SMAP1: variants seen among roughly 807,000 people sequenced by gnomAD.
SMAP1 encodes stromal membrane-associated protein 1.
In SMAP1, 24 loss-of-function variants were observed where a neutral mutation model predicts 58.5. The observed-to-expected ratio is 0.41, with a 90% CI of 0.30 to 0.58. SMAP1 has a LOEUF of 0.58. SMAP1 is among the 20% of genes least tolerant of loss of function. SMAP1 has a pLI of 0.29. For missense variants in SMAP1, 563 were observed against 566.3 expected (o/e 0.99, Z 0.06); for synonymous variants, 216 against 196.6 (o/e 1.10, Z -0.82).
chr6:70,719,018 T>G (rs558365585), intron 1 of SMAP1, among the ~76,000 whole-genome samples: 171 of 152,252 alleles, frequency 1.1e-3, no homozygotes, highest in Admixed American at 2.7e-3. Flanking sequence ...TTATAACATA[T>G]ATAATCAGTG....
chr6:70,843,152 A>G (rs1205620468), intron 7 of SMAP1, among the ~76,000 whole-genome samples: 2 of 137,536 alleles, frequency 1.5e-5, no homozygotes, highest in African/African-American at 5.6e-5. Flanking sequence ...ACCCACACAC[A>G]CTCCCCCCCC....
chr6:70,782,754 T>A (rs182043992), intron 4 of SMAP1, among the ~76,000 whole-genome samples: 94 of 152,302 alleles, frequency 6.2e-4, no homozygotes, highest in African/African-American at 2.2e-3. Context: ...GAGTGAGGGC[T>A]TTATTGTTCT....
At chr6:70,802,676 T>C (rs1768915984) in intron 6 of SMAP1, among the ~76,000 whole-genome samples, 2 of 152,212 alleles carry the variant, frequency 1.3e-5, no homozygotes, top group South Asian at 4.1e-4. Flanking sequence ...TTGAGATATG[T>C]TTCATCAATA....
intron 3 of SMAP1, among the ~76,000 whole-genome samples, chr6:70,761,540 G>T (rs1039613507): frequency 6.6e-6 from 1 of 151,912 alleles, no homozygotes; most frequent in Admixed American, 6.6e-5. Context: ...TTCTTTTGTT[G>T]TCGTTTCTCA....
chr6:70,668,617 T>C, intron 1 of SMAP1: 1 of 1,535,892 alleles, frequency 6.5e-7, no homozygotes, highest in Non-Finnish European at 8.7e-7. Context: ...GCTCGGATTC[T>C]TGGTCTCCTA....
In SMAP1 at chr6:70,667,929, C is replaced by T. The variant is rs1007718142; in HGVS notation, c.-95C>T. The T allele has an allele frequency of 2.8e-6, 3 of 1,061,418 alleles. No individual in the cohort carries two copies. The highest frequency in any genetic ancestry group is 2.8e-5 in the Admixed American group (1 of 35,810). 65.7% of individuals were successfully genotyped at this position (1,061,418 alleles called of 1,614,324 possible). On this transcript the variant is annotated 5_prime_UTR_variant, in exon 1 of 11. Coordinates refer to ENST00000370455, the MANE Select transcript of SMAP1 (RefSeq NM_001044305.3). The stretch of plus-strand genomic sequence containing the variant: ...CCGCTTCCTGGGCTGAGTCCGCCCG[C>T]GGTCCCGGCGGCGCCAGGTGCGTTC...
chr6:70,730,129 A>G (rs895550269), intron 1 of SMAP1, among the ~76,000 whole-genome samples: 1 of 151,774 alleles, frequency 6.6e-6, no homozygotes, highest in Non-Finnish European at 1.5e-5. Context: ...AGCTCAAAGG[A>G]CCTTTGAACT....
chr6:70,759,536 T>C (rs1766660334), intron 3 of SMAP1, among the ~76,000 whole-genome samples: 1 of 152,128 alleles, frequency 6.6e-6, no homozygotes, highest in African/African-American at 2.4e-5. Context: ...CAAATTATCA[T>C]GAAGGATATT....
At chr6:70,827,174 G>A (rs1377671430) in intron 6 of SMAP1, among the ~76,000 whole-genome samples, 1 of 152,056 alleles carries the variant, frequency 6.6e-6, no homozygotes, top group African/African-American at 2.4e-5. Context: ...GGTCAATACT[G>A]AACTTCATTC....
chr6:70,845,895 T>G lies in SMAP1; in HGVS notation c.665-6645T>G, dbSNP rs144275232. 2.8e-4 allele frequency among the ~76,000 whole-genome samples: 42 copies of G among 152,336 alleles called. No homozygotes were observed. The Middle Eastern group carries it at 0.01, about 37-fold the overall frequency. On this transcript the variant is annotated intron_variant, in intron 7 of 10. Coordinates refer to ENST00000370455, the MANE Select transcript of SMAP1 (RefSeq NM_001044305.3). ...AAGAATTCCAGCCTCACTGTACTTGTTCAACTGGAAAGGGGAAGCCCTGGT... is the reference window on the plus strand; with the variant it reads ...AAGAATTCCAGCCTCACTGTACTTGGTCAACTGGAAAGGGGAAGCCCTGGT...
intron 2 of SMAP1, among the ~76,000 whole-genome samples, chr6:70,734,309 C>T (rs1765538350): frequency 6.6e-6 from 1 of 152,134 alleles, no homozygotes; most frequent in South Asian, 2.1e-4. Flanking sequence ...CCATGTGTTG[C>T]TAATTTTTGT....
At chr6:70,804,432 T>TCAC (rs1456443735) in intron 6 of SMAP1, among the ~76,000 whole-genome samples, 2 of 151,994 alleles carry the variant, frequency 1.3e-5, no homozygotes, top group Non-Finnish European at 1.5e-5. Flanking sequence ...CTGATGGTGA[T>TCAC]GGGTTTTGAC....
chr6:70,763,211 T>C (rs1410944446), intron 3 of SMAP1, among the ~76,000 whole-genome samples: 1 of 151,240 alleles, frequency 6.6e-6, no homozygotes, highest in Non-Finnish European at 1.5e-5. Context: ...TTACTTTGGG[T>C]CTCCATGTCA....
intron 4 of SMAP1, among the ~76,000 whole-genome samples, chr6:70,787,710 C>T (rs1768124049): frequency 6.6e-6 from 1 of 151,754 alleles, no homozygotes; most frequent in Non-Finnish European, 1.5e-5. Flanking sequence ...TGCTCATCAT[C>T]ACTGGCCATC....
chr6:70,854,095 G>C (rs537040113), intron 8 of SMAP1, among the ~76,000 whole-genome samples: 4 of 152,342 alleles, frequency 2.6e-5, no homozygotes, highest in African/African-American at 7.2e-5. Flanking sequence ...GTAGTGCCAT[G>C]ACAAGGAGTG....
chr6:70,855,277 G>A (rs559483014), intron 8 of SMAP1, among the ~76,000 whole-genome samples: 21 of 152,182 alleles, frequency 1.4e-4, no homozygotes, highest in Admixed American at 9.8e-4. Flanking sequence ...TAGTGCTGGC[G>A]AGTGGAGCAC....
intron 1 of SMAP1, among the ~76,000 whole-genome samples, chr6:70,671,554 G>C (rs1055958543): frequency 2.0e-5 from 3 of 152,086 alleles, no homozygotes; most frequent in Admixed American, 1.3e-4. Context: ...CTCCAGCCTG[G>C]GTGACAGAAC....
intron 1 of SMAP1, among the ~76,000 whole-genome samples, chr6:70,692,210 A>G (rs566141995): frequency 2.4e-4 from 36 of 152,104 alleles, no homozygotes; most frequent in African/African-American, 8.4e-4. Context: ...CTTTTCATAT[A>G]CCTGTTTGCC....
At chr6:70,759,957 A>G (rs1340081634) in intron 3 of SMAP1, 2 of 389,228 alleles carry the variant, frequency 5.1e-6, no homozygotes, top group Admixed American at 3.0e-5. Flanking sequence ...ACTCGGTGAC[A>G]TAGAGCATAA....
Sources: allele counts gnomAD v4.1 joint callset (sites outside exome capture counted in the v4.1 genomes callset), GRCh38; gene constraint gnomAD v4.1.1; transcripts MANE v1.5; gene names NCBI Gene and HGNC (gene_info 2026-07-23, HGNC 2026-07-21).